CACNA1G: variants seen among roughly 807,000 people sequenced by gnomAD.
CACNA1G encodes the protein voltage-dependent T-type calcium channel subunit alpha-1G.
A neutral mutation model predicts 219.4 loss-of-function variants in CACNA1G; 67 were observed. The observed-to-expected ratio is 0.31, with a 90% confidence interval of 0.25 to 0.37. The LOEUF is 0.37. Ranked by LOEUF, CACNA1G falls within the 10% of genes least tolerant of loss-of-function variation. CACNA1G has a pLI of 1.00. For missense variants in CACNA1G, 2,380 were observed against 3,231.4 expected, an observed-to-expected ratio of 0.74 and a Z score of 6.39; for synonymous variants, 1,296 against 1,345.3, an observed-to-expected ratio of 0.96 and a Z score of 0.80.
intron 9 of CACNA1G, among the ~76,000 whole-genome samples, chr17:50,579,036 C>T (rs548970295): frequency 1.4e-3 from 219 of 152,056 alleles, no homozygotes; most frequent in South Asian, 2.5e-3. Context: ...TTGGTGCCTG[C>T]GCCTGGGTGG....
At chr17:50,598,332 A>G (rs2145718336) in intron 16 of CACNA1G, among the ~76,000 whole-genome samples, 1 of 152,170 alleles carries the variant, frequency 6.6e-6, no homozygotes, top group Non-Finnish European at 1.5e-5. Flanking sequence ...CCTGGCCCAT[A>G]TTTTCTTTAT....
intron 16 of CACNA1G, among the ~76,000 whole-genome samples, chr17:50,598,974 C>T (rs906921559): frequency 2.6e-5 from 4 of 152,206 alleles, no homozygotes; most frequent in Admixed American, 1.3e-4. Flanking sequence ...GTGATCTGCC[C>T]GCCTCGGCCT....
At chr17:50,563,721 C>G (rs1366121322) in intron 1 of CACNA1G, 2 of 152,302 alleles carry the variant, frequency 1.3e-5, no homozygotes, top group African/African-American at 4.8e-5. Flanking sequence ...AGCAGCTTCC[C>G]CCAGGGGAGT....
Position 50,626,135 on chromosome 17 carries a change from C to T in CACNA1G, c.6518C>T (p.Ser2173Leu). The change falls in exon 38 of 38, where the codon TCA becomes TTA. Residue 2173 changes from serine (S) to leucine (L), a missense_variant. Coordinates refer to ENST00000359106, the MANE Select transcript of CACNA1G (RefSeq NM_018896.5). The surrounding 1 kb of genome is among the most constrained non-coding windows in gnomAD (Gnocchi z 4.3). Reference sequence around the variant, plus strand: ...CGGGCCTACTCTTTCTGGGGCCAGTCAAGTACCCAGGCACAGCAGCACTCC... The same window carrying T: ...CGGGCCTACTCTTTCTGGGGCCAGTTAAGTACCCAGGCACAGCAGCACTCC... ...LARAYSFWGQ[S>L]STQAQQHSRS... The T allele has an allele frequency of 6.2e-7, 1 of 1,613,780 alleles. No individual in the cohort carries two copies. The highest frequency in any genetic ancestry group is 2.2e-5 in the East Asian group (1 of 44,878).
chr17:50,561,008 G>A lies in CACNA1G; in HGVS notation c.-452G>A. On this transcript the variant is annotated 5_prime_UTR_variant, in exon 1 of 38. Transcript: ENST00000359106. ...CCTGGCGCGGAGCCGGGACGATGCT[G>A]ACCCCTTAGATCCGGCTCCAGCTGC... 1 of 303,386 alleles carries A rather than the reference G, an allele frequency of 3.3e-6. No individual in the cohort carries two copies. The highest frequency in any genetic ancestry group is 2.5e-5 in the South Asian group (1 of 40,432). The allele number at this position is 303,386 out of a possible 1,614,324, so 18.8% of individuals were successfully genotyped here.
At chr17:50,613,703 G>C (rs1237077011) in intron 26 of CACNA1G, among the ~76,000 whole-genome samples, 1 of 152,226 alleles carries the variant, frequency 6.6e-6, no homozygotes, top group Admixed American at 6.5e-5. Flanking sequence ...TAATGGGATC[G>C]GGTGCTCTCG....
In CACNA1G at chr17:50,599,803, C is replaced by T. The variant is rs559633001; in HGVS notation, c.3634C>T (p.Leu1212=). The change falls in exon 17 of 38, where the codon CTG becomes TTG. Residue 1212 remains leucine (L), a synonymous_variant. Transcript: ENST00000359106. ...KSASGRLARA[L]RPDDPPLDGD... ...GGCTTCAGGGCGCCTGGCCCGGGCC[C>T]TGCGGCCTGATGACCCCCCACTGGA... 5.9e-5 allele frequency: 95 copies of T among 1,612,344 alleles called. No homozygotes were observed. In the South Asian group the frequency reaches 1.0e-3, roughly 17 times the overall value.
In CACNA1G at chr17:50,623,882, C is replaced by T. The variant is rs569264414; in HGVS notation, c.6061-25C>T. 6 of 1,593,572 alleles carry T rather than the reference C, an allele frequency of 3.8e-6. No individual in the cohort carries two copies. In the South Asian group the frequency reaches 4.4e-5, roughly 12 times the overall value. On this transcript the variant is annotated intron_variant, in intron 35 of 37. Transcript: ENST00000359106. ...AACCCACGCACACCCTCTTCCTCCACCTCCCTCCCCTGTTCCTTTTGCAGA... is the reference window on the plus strand; with the variant it reads ...AACCCACGCACACCCTCTTCCTCCATCTCCCTCCCCTGTTCCTTTTGCAGA...
Position 50,607,676 on chromosome 17 carries a change from A to G in CACNA1G, c.4513-151A>G, listed in dbSNP as rs893940752. 4 of 648,114 alleles carry G rather than the reference A, an allele frequency of 6.2e-6. No homozygotes were observed. The African/African-American group carries it at 7.2e-5, about 12-fold the overall frequency. The allele number at this position is 648,114 out of a possible 1,614,324, so 40.1% of individuals were successfully genotyped here. Reference sequence around the variant, plus strand: ...TTTACCACAGTCCCCGCCCCTCCCTACTGCTTCACATCAAACCCACACCAT... The same window carrying G: ...TTTACCACAGTCCCCGCCCCTCCCTGCTGCTTCACATCAAACCCACACCAT... On this transcript the variant is annotated intron_variant, in intron 24 of 37. Transcript: ENST00000359106.
rs1454684196 is a variant in CACNA1G at position 50,560,740 on chromosome 17, T to TTCGC, written c.-709_-706dup. On this transcript the variant is annotated 5_prime_UTR_variant, in exon 1 of 38. Coordinates refer to ENST00000359106, the MANE Select transcript of CACNA1G (RefSeq NM_018896.5). ...GTGCGCGGGGCTCCTCGCCGCCGCTTTCGCTCGCTCGCTCCGCGTCTCGGC... is the reference window on the plus strand; with the variant it reads ...GTGCGCGGGGCTCCTCGCCGCCGCTTTCGCTCGCTCGCTCGCTCCGCGTCTCGGC... Among the ~76,000 whole-genome samples the TTCGC allele has an allele frequency of 6.6e-6, 1 of 152,150 alleles. No individual in the cohort carries two copies. Among genetic ancestry groups the TTCGC allele is most frequent in the African/African-American group, 2.4e-5 (1 of 41,458 alleles).
Position 50,626,471 on chromosome 17 carries a change from C to G in CACNA1G, c.6854C>G (p.Thr2285Arg). 7 of 1,599,794 alleles carry G rather than the reference C, an allele frequency of 4.4e-6. No individual in the cohort carries two copies. The highest frequency in any genetic ancestry group is 6.0e-6 in the Non-Finnish European group (7 of 1,174,246). Residue 2285 changes from threonine to arginine, a missense_variant, in exon 38 of 38, where the codon ACA becomes AGA. Coordinates refer to ENST00000359106, the MANE Select transcript of CACNA1G (RefSeq NM_018896.5). This position sits in a 1 kb window ranked among gnomAD's most constrained non-coding sequence, Gnocchi z 4.3. ...LDSGSQPHLG[T>R]DPSNLGGQPL... ...AGCGGCTCCCAACCCCACCTGGGCA[C>G]AGACCCCTCTAACCTTGGGGGCCAG...
chr17:50,619,663 C>T lies in CACNA1G; in HGVS notation c.5782-20C>T, dbSNP rs758714587. 9 of 1,604,522 alleles carry T rather than the reference C, an allele frequency of 5.6e-6. No individual in the cohort carries two copies. In the Admixed American group the frequency reaches 1.0e-4, roughly 18 times the overall value. On this transcript the variant is annotated intron_variant, in intron 33 of 37. Coordinates refer to ENST00000359106, the MANE Select transcript of CACNA1G (RefSeq NM_018896.5). ...CTGCTCCCCTGCCTCTCCGGCTCCC[C>T]TTACGGGCTGGCTCCCCAGGACAGG...
Position 50,576,281 on chromosome 17 carries a change from G to A in CACNA1G, c.1879G>A (p.Gly627Arg), listed in dbSNP as rs200317339. Residue 627 changes from glycine (G) to arginine (R), a missense_variant, in exon 8 of 38, where the codon GGG becomes AGG. Physicochemically the swap from Gly to Arg is moderately radical, Grantham distance 125 (BLOSUM62 -2). Around this residue, in one of 17 missense-constraint regions of CACNA1G, gnomAD observed 434 missense variants for 417.3 expected, o/e 1.04. Coordinates refer to ENST00000359106, the MANE Select transcript of CACNA1G (RefSeq NM_018896.5). Reference sequence around the variant, plus strand: ...CCTCACCAGCCTCAACATCCCACCCGGGCCCTACAGCTCCATGCACAAGCT... The same window carrying A: ...CCTCACCAGCCTCAACATCCCACCCAGGCCCTACAGCTCCATGCACAAGCT... The part of the protein sequence containing the change: ...PTLTSLNIPP[G>R]PYSSMHKLLE... 1,616 of 1,583,344 alleles carry A rather than the reference G, an allele frequency of 1.0e-3. 3 individuals are homozygous for A. Among genetic ancestry groups the A allele is most frequent in the South Asian group, 5.3e-3 (460 of 86,680 alleles).
At position 50,615,386 on chromosome 17, in the gene CACNA1G, C is replaced by G. The variant is rs370321624; in HGVS notation, c.4785C>G (p.Ser1595=). The G allele has an allele frequency of 6.2e-6, 10 of 1,610,842 alleles. No individual in the cohort carries two copies. The Admixed American group carries it at 1.7e-4, about 27-fold the overall frequency. ...AAGCCCAGTGCAAACCTTACTACTC[C>G]GACTACTCCCGCTTCCGGCTCCTCG... ...ASEAQCKPYY[S]DYSRFRLLVH... is the part of the protein sequence containing the mutation. Residue 1595 remains serine, a synonymous_variant, in exon 27 of 38, where the codon TCC becomes TCG. Coordinates refer to ENST00000359106, the MANE Select transcript of CACNA1G (RefSeq NM_018896.5).
Position 50,619,678 on chromosome 17 carries a change from C to T in CACNA1G, c.5782-5C>T, listed in dbSNP as rs751700038. On this transcript the variant is annotated splice_polypyrimidine_tract_variant and splice_region_variant and intron_variant, in intron 33 of 37. Transcript: ENST00000359106. ...TCCGGCTCCCCTTACGGGCTGGCTC[C>T]CCAGGACAGGCAGCTGTTTGACACC... The T allele has an allele frequency of 1.2e-6, 2 of 1,608,352 alleles. No individual in the cohort carries two copies. The highest frequency in any genetic ancestry group is 1.1e-5 in the South Asian group (1 of 90,126).
In CACNA1G at chr17:50,571,778, C is replaced by A; in HGVS notation, c.587-100C>A. The A allele has an allele frequency of 7.9e-7, 1 of 1,260,610 alleles. No homozygotes were observed. The highest frequency in any genetic ancestry group is 1.2e-5 in the South Asian group (1 of 80,060). The allele number at this position is 1,260,610 out of a possible 1,614,324, so 78.1% of individuals were successfully genotyped here. ...AGCTTGAGCCGGGCCGTCTCAGCCTCAGAGTCCCTGGTGGGGCCCCTCCGG... is the reference window on the plus strand; with the variant it reads ...AGCTTGAGCCGGGCCGTCTCAGCCTAAGAGTCCCTGGTGGGGCCCCTCCGG... On this transcript the variant is annotated intron_variant, in intron 4 of 37. Transcript: ENST00000359106. The surrounding 1 kb of genome is among the most constrained non-coding windows in gnomAD (Gnocchi z 4.3).
Position 50,609,935 on chromosome 17 carries a change from G to A in CACNA1G, c.4759G>A (p.Glu1587Lys), listed in dbSNP as rs747639757. Residue 1587 changes from glutamate to lysine, a missense_variant and splice_region_variant, in exon 26 of 38, where the codon GAA becomes AAA. By Grantham distance (56) the Glu-to-Lys change is moderately conservative. Transcript: ENST00000359106. ...CGGCAGCTCAGCCAGCGCTGCGTCA[G>A]GTACTGCGTCTGGGGTGTGGGCTCA... ...ASGSSASAAS[E>K]AQCKPYYSDY... is the part of the protein sequence containing the mutation. 1 of 1,610,082 alleles carries A rather than the reference G, an allele frequency of 6.2e-7. No individual in the cohort carries two copies. Among genetic ancestry groups the A allele is most frequent in the Non-Finnish European group, 8.5e-7 (1 of 1,179,536 alleles).
chr17:50,612,845 A>G (rs1243293562), intron 26 of CACNA1G, among the ~76,000 whole-genome samples: 4 of 152,172 alleles, frequency 2.6e-5, no homozygotes, highest in Non-Finnish European at 5.9e-5. Context: ...GGAGGCAGGG[A>G]GGTGGTGCCA....
At chr17:50,609,859 A>G in intron 25 of CACNA1G, 23 bp from the exon 26 acceptor site, 2 of 1,609,114 alleles carry the variant, frequency 1.2e-6, no homozygotes, top group South Asian at 1.1e-5. Context: ...GCCAGTGACC[A>G]ATGTCGTGTT....
Sources: allele counts gnomAD v4.1 joint callset (sites outside exome capture counted in the v4.1 genomes callset), GRCh38; gene constraint gnomAD v4.1.1; regional missense constraint gnomAD v4.1.1; non-coding constraint Gnocchi (gnomAD v3.1); transcripts MANE v1.5; gene names NCBI Gene and HGNC (gene_info 2026-07-23, HGNC 2026-07-21).